Variants in TRPC4AP observed in about 807,000 individuals in gnomAD.
The protein encoded by TRPC4AP is short transient receptor potential channel 4-associated protein.
In TRPC4AP, 45 loss-of-function variants were observed where a neutral mutation model predicts 99.0. That is an observed-to-expected ratio of 0.45 (90% CI 0.36 to 0.58). TRPC4AP has a LOEUF of 0.58. Among genes scored for constraint, TRPC4AP ranks in the 20% least tolerant of loss-of-function variants. The pLI, the probability that TRPC4AP is intolerant of heterozygous loss-of-function variation, is 0.00. For synonymous variants in TRPC4AP, 408 were observed against 385.8 expected (o/e 1.06, Z -0.67); for missense variants, 879 against 985.3 (o/e 0.89, Z 1.44).
chr20:35,004,579 G>C lies in TRPC4AP; in HGVS notation c.1937-9C>G. The stretch of plus-strand genomic sequence containing the variant: ...AGACAGTACCTCGGCAACTGTGGAG[G>C]GAGGCAGGGGTGCAGCAGGTCAGGC... On this transcript the variant is annotated splice_polypyrimidine_tract_variant and intron_variant, in intron 16 of 18. Transcript: ENST00000252015. The C allele has an allele frequency of 6.2e-7, 1 of 1,611,816 alleles. No individual in the cohort carries two copies.
In TRPC4AP at chr20:35,003,145, G is replaced by A. The variant is rs369840973; in HGVS notation, c.*1C>T. On this transcript the variant is annotated 3_prime_UTR_variant, in exon 19 of 19. Coordinates refer to ENST00000252015, the MANE Select transcript of TRPC4AP (RefSeq NM_015638.3). Reference sequence around the variant, plus strand: ...GCAGCCTCCCGAGGCCTGGCCCAAGGTCACTCCTCAGTGAAGTCCCTGTCT... The same window carrying A: ...GCAGCCTCCCGAGGCCTGGCCCAAGATCACTCCTCAGTGAAGTCCCTGTCT... 3.7e-6 allele frequency: 6 copies of A among 1,613,954 alleles called. No homozygotes were observed. In the African/African-American group the frequency reaches 5.3e-5, roughly 14 times the overall value.
chr20:35,006,563 A>T lies in TRPC4AP; in HGVS notation c.1699T>A (p.Cys567Ser). Residue 567 changes from cysteine (C) to serine (S), a missense_variant, in exon 15 of 19, where the codon TGC (cysteine) becomes AGC (serine). Coordinates refer to ENST00000252015, the MANE Select transcript of TRPC4AP (RefSeq NM_015638.3). ...GACTTACACTCGCTGTCCACAATGC[A>T]GTAAAGGATGTGCTGGGTGAGGAGG... is the stretch of plus-strand genomic sequence containing the variant. ...KRGLLEHILYCIVDSECKSRD... is the reference protein window; with the variant it reads ...KRGLLEHILYSIVDSECKSRD... 1 of 1,614,106 alleles carries T rather than the reference A, an allele frequency of 6.2e-7. No homozygotes were observed. The highest frequency in any genetic ancestry group is 1.1e-5 in the South Asian group (1 of 91,082).
intron 3 of TRPC4AP, 45 bp from the exon 4 acceptor site, chr20:35,057,616 T>A: frequency 6.7e-7 from 1 of 1,487,034 alleles, no homozygotes; most frequent in Non-Finnish European, 9.3e-7. Flanking sequence ...ATTCAAAGTA[T>A]AACTTATAAA....
At chr20:35,010,559 G>T (rs1207975005) in intron 11 of TRPC4AP, among the ~76,000 whole-genome samples, 1 of 152,148 alleles carries the variant, frequency 6.6e-6, no homozygotes, top group South Asian at 2.1e-4. Flanking sequence ...GCAGCTCTGG[G>T]CCTTTCTCTT....
intron 6 of TRPC4AP, among the ~76,000 whole-genome samples, chr20:35,048,352 C>G (rs2083610092): frequency 6.6e-6 from 1 of 151,840 alleles, no homozygotes; most frequent in Non-Finnish European, 1.5e-5. Context: ...GCTGGGACTA[C>G]AGGTGTGCAC....
Position 35,005,634 on chromosome 20 carries a change from G to C in TRPC4AP, c.1936+61C>G. 2.9e-5 allele frequency: 42 copies of C among 1,470,908 alleles called. 1 individual carries two copies. In the South Asian group the frequency reaches 4.7e-4, roughly 17 times the overall value. The allele number at this position is 1,470,908 out of a possible 1,614,324, so 91.1% of individuals were successfully genotyped here. On this transcript the variant is annotated intron_variant, in intron 16 of 18. Transcript: ENST00000252015. ...TTCTTGTCTCCCTGCTGGAGACAGG[G>C]TGTCTGATGCCAGCATTCTTACCCT...
chr20:35,031,570 T>A (rs1001531959), intron 8 of TRPC4AP, among the ~76,000 whole-genome samples: 22 of 151,916 alleles, frequency 1.4e-4, no homozygotes, highest in African/African-American at 4.6e-4. Context: ...TGCATGTGGA[T>A]CTGAGTATTC....
At chr20:35,013,835 G>A (rs538679676) in intron 10 of TRPC4AP, among the ~76,000 whole-genome samples, 2 of 152,212 alleles carry the variant, frequency 1.3e-5, no homozygotes, top group Non-Finnish European at 2.9e-5. Context: ...GGTGAAAGAA[G>A]GGTTAGAAAG....
At chr20:35,068,002 T>C (rs547424796) in intron 3 of TRPC4AP, among the ~76,000 whole-genome samples, 13 of 152,316 alleles carry the variant, frequency 8.5e-5, no homozygotes, top group African/African-American at 3.1e-4. Flanking sequence ...GGGTGAAATG[T>C]ATGGTATATG....
intron 1 of TRPC4AP, among the ~76,000 whole-genome samples, chr20:35,083,691 G>A (rs2084714460): frequency 6.7e-6 from 1 of 148,196 alleles, no homozygotes. Context: ...GTCAGAATAA[G>A]ACATTTTCTG....
chr20:35,083,246 T>C (rs796411926), intron 1 of TRPC4AP, among the ~76,000 whole-genome samples: 16 of 152,174 alleles, frequency 1.1e-4, no homozygotes, highest in African/African-American at 3.6e-4. Flanking sequence ...CAATACCACT[T>C]TTAAAAACGC....
At chr20:35,087,670 G>T (rs912173634) in intron 1 of TRPC4AP, among the ~76,000 whole-genome samples, 2 of 152,176 alleles carry the variant, frequency 1.3e-5, no homozygotes, top group African/African-American at 4.8e-5. Flanking sequence ...GATGAGGCTG[G>T]AGAGTTTTAA....
At chr20:35,089,295 T>C (rs760873613) in intron 1 of TRPC4AP, among the ~76,000 whole-genome samples, 66 of 152,204 alleles carry the variant, frequency 4.3e-4, no homozygotes, top group African/African-American at 1.5e-3. Context: ...GGTGTGATCA[T>C]GGCTCACTGC....
At chr20:35,087,734 A>G (rs1223743461) in intron 1 of TRPC4AP, among the ~76,000 whole-genome samples, 1 of 152,240 alleles carries the variant, frequency 6.6e-6, no homozygotes, top group Non-Finnish European at 1.5e-5. Flanking sequence ...GCTGATGAAT[A>G]TGAAAAGGCT....
rs1286449068 is a variant in TRPC4AP at position 35,044,664 on chromosome 20, T to C, written c.706A>G (p.Asn236Asp). Reference protein sequence around the residue: ...EVPNLSSLVSNFDQQQLANFC... With the variant: ...EVPNLSSLVSDFDQQQLANFC... ...TTAGCGAGCTGCTGCTGATCGAAAT[T>C]GGATACTAAGGAACTCAGATTGGGG... Residue 236 changes from asparagine to aspartate, a missense_variant, in exon 7 of 19, where the codon AAT becomes GAT. Around this residue, in one of 3 missense-constraint regions of TRPC4AP, gnomAD observed 603 missense variants for 631.8 expected, o/e 0.95. Transcript: ENST00000252015. 3 of 1,614,080 alleles carry C rather than the reference T, an allele frequency of 1.9e-6. No homozygotes were observed. Among genetic ancestry groups the C allele is most frequent in the South Asian group, 2.2e-5 (2 of 91,086 alleles).
intron 1 of TRPC4AP, among the ~76,000 whole-genome samples, 166 bp downstream of exon 1, chr20:35,092,448 G>C (rs6060219): frequency 2.7e-4 from 41 of 152,216 alleles, no homozygotes; most frequent in African/African-American, 9.6e-4. Flanking sequence ...TGCTTCCCAC[G>C]GCCCCGCTGC....
chr20:35,044,295 G>A (rs918083670), intron 7 of TRPC4AP, among the ~76,000 whole-genome samples: 6 of 151,676 alleles, frequency 4.0e-5, no homozygotes, highest in African/African-American at 7.3e-5. Context: ...GGTGGCTGAG[G>A]TGGGAGGATC....
chr20:35,021,156 TC>T, intron 9 of TRPC4AP, 33 bp downstream of exon 9: 2 of 1,597,420 alleles, frequency 1.3e-6, no homozygotes, highest in Non-Finnish European at 8.6e-7. Flanking sequence ...CAGCACCTGC[TC>T]CCCGTGTCCT....
rs377286159 is a variant in TRPC4AP, at chr20:35,078,128, C to T, written c.215G>A (p.Ser72Asn). ...LTERDKQSKW[S>N]GIPQLLLKLH... is the part of the protein sequence containing the mutation. ...CTTGAGGAGCAGCTGAGGAATTCCACTCCACTTGGATTGTTTGTCCCTCTC... is the reference window on the plus strand; with the variant it reads ...CTTGAGGAGCAGCTGAGGAATTCCATTCCACTTGGATTGTTTGTCCCTCTC... Residue 72 changes from serine (S) to asparagine (N), a missense_variant, in exon 2 of 19, where the codon AGT (serine) becomes AAT (asparagine). Physicochemically the swap from Ser to Asn is conservative, Grantham distance 46 (BLOSUM62 1). Transcript: ENST00000252015. 3 of 1,613,954 alleles carry T rather than the reference C, an allele frequency of 1.9e-6. No individual in the cohort carries two copies. In the African/African-American group the frequency reaches 4.0e-5, roughly 22 times the overall value.
Sources: allele counts gnomAD v4.1 joint callset (sites outside exome capture counted in the v4.1 genomes callset), GRCh38; gene constraint gnomAD v4.1.1; regional missense constraint gnomAD v4.1.1; transcripts MANE v1.5; gene names NCBI Gene and HGNC (gene_info 2026-07-23, HGNC 2026-07-21).